The following CENPI variants were observed in gnomAD, a reference collection of about 807,000 sequenced individuals.
CENPI encodes the protein centromere protein I, also known as FSH primary response 1.
CENPI carries 4 observed loss-of-function variants against 60.4 expected under a neutral mutation model. The observed-to-expected ratio is 0.07, with a 90% CI of 0.03 to 0.15. The LOEUF (loss-of-function observed/expected upper bound fraction) is 0.15. Ranked by LOEUF, CENPI falls within the 10% of genes least tolerant of loss-of-function variation. The pLI is 1.00. For synonymous variants in CENPI, 157 were observed against 189.4 expected (o/e 0.83, Z 1.40); for missense variants, 444 against 534.5 (o/e 0.83, Z 1.67).
chrX:101,167,496 AGAAAT>A (rs894302209), downstream of CENPI, among the ~76,000 whole-genome samples: 1 of 112,008 alleles, frequency 8.9e-6, no homozygotes, highest in Non-Finnish European at 1.9e-5. Flanking sequence ...TTTAAAAATT[AGAAAT>A]GAATCATTTT....
chrX:101,119,817 T>C (rs1275775329), intron 6 of CENPI, among the ~76,000 whole-genome samples: 4 of 111,376 alleles, frequency 3.6e-5, no homozygotes, highest in African/African-American at 1.3e-4. Flanking sequence ...CATGGGAAAA[T>C]GGTTTTAAAT....
chrX:101,122,861 G>A (rs181855416), intron 8 of CENPI, among the ~76,000 whole-genome samples: 64 of 111,539 alleles, frequency 5.7e-4, no homozygotes, highest in African/African-American at 1.8e-3. Flanking sequence ...GCAAGACTCC[G>A]TCTCCAAAAA....
In CENPI at chrX:101,165,302, A is replaced by G. The variant is rs2090139682; in HGVS notation, c.*2335A>G. 8.9e-6 allele frequency among the ~76,000 whole-genome samples: 1 copy of G among 112,009 alleles called. No homozygotes were observed. Among genetic ancestry groups the G allele is most frequent in the South Asian group, 3.7e-4 (1 of 2,705 alleles). On this transcript the variant is annotated 3_prime_UTR_variant, in exon 22 of 22. Transcript: ENST00000682095. ...GAAAGCAGAGACTGGTTAGGTTATT[A>G]TAGTGTCCTAGGTAACAGTTTTGGA... is the stretch of plus-strand genomic sequence containing the variant.
At position 101,147,943 on chromosome X, in the gene CENPI, A is replaced by T; in HGVS notation, c.1876A>T (p.Thr626Ser). 8.3e-7 allele frequency: 1 copy of T among 1,204,560 alleles called. No individual in the cohort carries two copies. Among genetic ancestry groups the T allele is most frequent in the Non-Finnish European group, 1.1e-6 (1 of 890,139 alleles). The change falls in exon 20 of 22, where the codon ACA becomes TCA. Residue 626 changes from threonine (T) to serine (S), a missense_variant and splice_region_variant. Coordinates refer to ENST00000682095, the MANE Select transcript of CENPI (RefSeq NM_001386188.2). ...AAKKNELVQK[T>S]KSEFNFSSKT... ...CAATTTTTTATTTCTTTCCCATTAG[A>T]CAAAATCAGAGTTCAATTTCAGCAG...
chrX:101,144,453 C>T (rs5966735), intron 16 of CENPI, among the ~76,000 whole-genome samples: 3,621 of 104,199 alleles, frequency 0.035, 210 homozygotes, highest in African/African-American at 0.12. Context: ...GGTGCACTCT[C>T]GCTCACTGCA....
intron 20 of CENPI, 71 bp from the exon 21 acceptor site, chrX:101,161,457 T>C: frequency 2.0e-6 from 2 of 979,846 alleles, no homozygotes; most frequent in Non-Finnish European, 2.9e-6. Context: ...TAACCAAGTA[T>C]TTCTATCACC....
intron 15 of CENPI, among the ~76,000 whole-genome samples, chrX:101,139,853 G>C (rs1196351189): frequency 5.0e-5 from 3 of 60,100 alleles, no homozygotes; most frequent in Non-Finnish European, 9.7e-5. Context: ...TTTTTTTTTT[G>C]AGAAAGAGTC....
chrX:101,173,225 A>G, the CENPI span, among the ~76,000 whole-genome samples: 1 of 107,385 alleles, frequency 9.3e-6, no homozygotes, highest in East Asian at 2.9e-4. Context: ...CATGTTGGCC[A>G]GGATGGTCTT....
At chrX:101,172,265 CAT>C in the CENPI span, among the ~76,000 whole-genome samples, 6 of 111,699 alleles carry the variant, frequency 5.4e-5, no homozygotes, top group Admixed American at 2.9e-4. Context: ...AAATTTCAAA[CAT>C]AGAGTAGTCA....
At chrX:101,140,446 C>G (rs907431332) in intron 15 of CENPI, among the ~76,000 whole-genome samples, 1 of 111,755 alleles carries the variant, frequency 8.9e-6, no homozygotes, top group Non-Finnish European at 1.9e-5. Flanking sequence ...GTTAGGCAGT[C>G]CTGTTGAGGT....
chrX:101,145,704 A>G (rs185399691), intron 17 of CENPI, among the ~76,000 whole-genome samples: 1 of 108,326 alleles, frequency 9.2e-6, no homozygotes, highest in East Asian at 3.0e-4. Flanking sequence ...GCACCAATTT[A>G]ATATTATCCA....
At chrX:101,107,143 T>A (rs931474406) in intron 4 of CENPI, among the ~76,000 whole-genome samples, 5 of 108,602 alleles carry the variant, frequency 4.6e-5, no homozygotes, top group Non-Finnish European at 9.5e-5. Flanking sequence ...GGTACAAATA[T>A]ATATATTTTT....
chrX:101,130,199 C>A, intron 13 of CENPI, 126 bp downstream of exon 13: 1 of 440,919 alleles, frequency 2.3e-6, no homozygotes, highest in Non-Finnish European at 4.0e-6. Flanking sequence ...CTTTGGAGGC[C>A]AAGGCGGGTG....
rs373963184 is a variant in CENPI at position 101,127,938 on chromosome X, C to T, written c.1074+273C>T. On this transcript the variant is annotated intron_variant, in intron 11 of 21. Coordinates refer to ENST00000682095, the MANE Select transcript of CENPI (RefSeq NM_001386188.2). ...TCAGGCTGGGCACGGTGGCTCATGC[C>T]GGTAATCCCAGCACTTTGGGAGGCC... 4.5e-5 allele frequency among the ~76,000 whole-genome samples: 5 copies of T among 111,346 alleles called. No homozygotes were observed. In the East Asian group the frequency reaches 1.4e-3, roughly 31 times the overall value.
intron 20 of CENPI, among the ~76,000 whole-genome samples, chrX:101,149,833 C>G (rs754408854): frequency 9.1e-6 from 1 of 110,358 alleles, no homozygotes; most frequent in East Asian, 2.8e-4. Context: ...AGTGTACATC[C>G]TTGGCTGCTC....
chrX:101,139,553 A>G (rs756632782), intron 15 of CENPI, among the ~76,000 whole-genome samples: 15 of 112,533 alleles, frequency 1.3e-4, no homozygotes, highest in Non-Finnish European at 2.2e-4. Context: ...ATTGTCTTAG[A>G]TGATTCCAGA....
At chrX:101,104,372 A>G (rs908402880) in intron 4 of CENPI, among the ~76,000 whole-genome samples, 8 of 112,547 alleles carry the variant, frequency 7.1e-5, no homozygotes, top group African/African-American at 9.7e-5. Flanking sequence ...ACACCTGGTC[A>G]ATATTTTATT....
intron 3 of CENPI, 125 bp downstream of exon 3, chrX:101,101,421 C>T (rs190193707): frequency 2.0e-6 from 1 of 490,149 alleles, no homozygotes; most frequent in African/African-American, 2.4e-5. Context: ...ATTTAATAGA[C>T]ATTGAGCAAT....
At chrX:101,136,642 A>G (rs1178125547) in intron 15 of CENPI, among the ~76,000 whole-genome samples, 4 of 111,873 alleles carry the variant, frequency 3.6e-5, no homozygotes, top group African/African-American at 1.3e-4. Flanking sequence ...CTATCAGCAA[A>G]CAACTTATTT....
Sources: allele counts gnomAD v4.1 joint callset (sites outside exome capture counted in the v4.1 genomes callset), GRCh38; gene constraint gnomAD v4.1.1; transcripts MANE v1.5; gene names NCBI Gene and HGNC (gene_info 2026-07-23, HGNC 2026-07-21).